ADGRD1: variants seen among roughly 807,000 people sequenced by gnomAD.
The protein encoded by ADGRD1 is adhesion G protein-coupled receptor D1, also known as G-protein coupled receptor 133.
A neutral mutation model predicts 113.4 loss-of-function variants in ADGRD1; 77 were observed. That is an observed-to-expected ratio of 0.68 (90% CI 0.57 to 0.82). The LOEUF is 0.82. ADGRD1 is among the 40% of genes least tolerant of loss of function. The probability of loss-of-function intolerance (pLI) is 0.00; values close to 1 mark genes in which losing one functional copy is unlikely to be tolerated. For missense variants in ADGRD1, 1,036 were observed against 1,139.1 expected, an observed-to-expected ratio of 0.91 and a Z score of 1.30; for synonymous variants, 474 against 475.0, an observed-to-expected ratio of 1.00 and a Z score of 0.03.
In ADGRD1 at chr12:131,022,002, C is replaced by T. The variant is rs1879375938; in HGVS notation, c.1473+7662C>T. 3.3e-5 allele frequency among the ~76,000 whole-genome samples: 5 copies of T among 152,150 alleles called. No individual in the cohort carries two copies. The highest frequency in any genetic ancestry group is 2.6e-4 in the Admixed American group (4 of 15,272). On this transcript the variant is annotated intron_variant, in intron 13 of 24. Coordinates refer to ENST00000261654, the MANE Select transcript of ADGRD1 (RefSeq NM_198827.5). This position sits in a 1 kb window ranked among gnomAD's most constrained non-coding sequence, Gnocchi z 4.6. ...TACAGGTATGAGCCACCGCGCTCGG[C>T]CCTGATCTCTTCTTATAAGGATACT...
intron 14 of ADGRD1, 103 bp downstream of exon 14, chr12:131,076,977 G>A: frequency 1.0e-6 from 1 of 956,030 alleles, no homozygotes. Flanking sequence ...TTCTGCAGCT[G>A]ACATGGTTGC....
chr12:131,034,398 C>A (rs1365958184), intron 13 of ADGRD1, among the ~76,000 whole-genome samples: 6 of 152,250 alleles, frequency 3.9e-5, no homozygotes, highest in Admixed American at 3.9e-4. Context: ...CACTGCCCAG[C>A]CCAGCCTCGC....
At chr12:131,049,917 G>A (rs1883209910) in intron 13 of ADGRD1, among the ~76,000 whole-genome samples, 4 of 152,194 alleles carry the variant, frequency 2.6e-5, no homozygotes, top group Admixed American at 2.6e-4. Context: ...AGCAGGAAAA[G>A]ATGGGAACCG....
At chr12:131,036,293 T>C (rs12815872) in intron 13 of ADGRD1, among the ~76,000 whole-genome samples, 73,234 of 147,496 alleles carry the variant, frequency 0.5, 19,837 homozygotes, top group Non-Finnish European at 0.62. Context: ...CTCACTGCAC[T>C]GGGCCTCACT....
intron 14 of ADGRD1, 52 bp downstream of exon 14, chr12:131,076,926 C>A (rs1371972008): frequency 7.0e-7 from 1 of 1,432,374 alleles, no homozygotes; most frequent in Non-Finnish European, 9.9e-7. Flanking sequence ...CAAGCCCAGG[C>A]CCGCCCCATG....
intron 8 of ADGRD1, chr12:130,994,404 C>T: frequency 3.6e-6 from 1 of 277,262 alleles, no homozygotes; most frequent in East Asian, 9.4e-5. Flanking sequence ...CTGCCTGTAG[C>T]TAAGGTATGC....
intron 4 of ADGRD1, among the ~76,000 whole-genome samples, chr12:130,976,625 T>C (rs1296779660): frequency 6.6e-6 from 1 of 152,166 alleles, no homozygotes; most frequent in African/African-American, 2.4e-5. Flanking sequence ...TGAGACTTTC[T>C]ACATTGTCTC....
Position 130,966,791 on chromosome 12 carries a change from G to GTTTT in ADGRD1, c.187+245_187+246insTTTT. The stretch of plus-strand genomic sequence containing the variant: ...AACTTCCCGTAATAGTTATTTCAAA[G>GTTTT]CTTTTTTTTTTGTAGAGATGGGGTC... On this transcript the variant is annotated intron_variant, in intron 3 of 24. Coordinates refer to ENST00000261654, the MANE Select transcript of ADGRD1 (RefSeq NM_198827.5). The surrounding 1 kb of genome is among the most constrained non-coding windows in gnomAD (Gnocchi z 4.6). 1 of 380,798 alleles carries GTTTT rather than the reference G, an allele frequency of 2.6e-6. No homozygotes were observed. The highest frequency in any genetic ancestry group is 4.8e-6 in the Non-Finnish European group (1 of 207,252). The allele number at this position is 380,798 out of a possible 1,614,324, so 23.6% of individuals were successfully genotyped here.
At chr12:131,090,963 C>T (rs951706822) in intron 15 of ADGRD1, among the ~76,000 whole-genome samples, 1 of 152,176 alleles carries the variant, frequency 6.6e-6, no homozygotes, top group Non-Finnish European at 1.5e-5. Context: ...AGAAACATGG[C>T]GTCATCTCTG....
chr12:130,998,926 GGATTTCTAA>G (rs1179642382), intron 8 of ADGRD1, among the ~76,000 whole-genome samples: 1 of 152,124 alleles, frequency 6.6e-6, no homozygotes, highest in Non-Finnish European at 1.5e-5. Flanking sequence ...GATGCACACT[GGATTTCTAA>G]AACTTTGTGC....
At chr12:131,069,905 G>GTATGAAA (rs902006711) in intron 13 of ADGRD1, 2 of 152,216 alleles carry the variant, frequency 1.3e-5, no homozygotes, top group Non-Finnish European at 2.9e-5. Flanking sequence ...ATTATTGCAT[G>GTATGAAA]TATGAAAGAA....
chr12:131,062,827 AT>A (rs1320581676), intron 13 of ADGRD1, among the ~76,000 whole-genome samples: 2 of 152,194 alleles, frequency 1.3e-5, no homozygotes, highest in African/African-American at 2.4e-5. Flanking sequence ...TTAAAAAAAA[AT>A]CTTCCAAACT....
intron 13 of ADGRD1, among the ~76,000 whole-genome samples, chr12:131,039,090 C>A (rs895217101): frequency 1.6e-4 from 25 of 152,236 alleles, no homozygotes; most frequent in Non-Finnish European, 3.1e-4. Flanking sequence ...GTCGAAGGCC[C>A]CGAGCTGTGT....
intron 16 of ADGRD1, 29 bp from the exon 17 acceptor site, chr12:131,105,725 C>CA (rs1431524710): frequency 6.4e-7 from 1 of 1,564,452 alleles, no homozygotes; most frequent in African/African-American, 1.3e-5. Flanking sequence ...GCGCAGGGCC[C>CA]AGGCCTCACA....
At chr12:131,120,706 C>T in intron 19 of ADGRD1, 141 bp from the exon 20 acceptor site, 1 of 784,478 alleles carries the variant, frequency 1.3e-6, no homozygotes, top group Non-Finnish European at 2.3e-6. Context: ...AATACATTTG[C>T]AGGGATTAGG....
At chr12:130,986,366 T>A (rs1228000094) in intron 5 of ADGRD1, among the ~76,000 whole-genome samples, 1 of 152,198 alleles carries the variant, frequency 6.6e-6, no homozygotes, top group Non-Finnish European at 1.5e-5. Context: ...AGCTTATAAA[T>A]GTATTGTTAT....
intron 11 of ADGRD1, among the ~76,000 whole-genome samples, chr12:131,005,153 G>T (rs1010922349): frequency 6.6e-6 from 1 of 152,172 alleles, no homozygotes; most frequent in South Asian, 2.1e-4. Flanking sequence ...AAGGTGCCCC[G>T]ACTGGTTCTC....
intron 15 of ADGRD1, among the ~76,000 whole-genome samples, chr12:131,101,038 G>A (rs1290771039): frequency 6.6e-6 from 1 of 152,172 alleles, no homozygotes; most frequent in African/African-American, 2.4e-5. Flanking sequence ...TTAGAGCTGC[G>A]AGATGAGGTA....
At chr12:131,118,827 G>C (rs1950524900) in intron 19 of ADGRD1, among the ~76,000 whole-genome samples, 1 of 152,234 alleles carries the variant, frequency 6.6e-6, no homozygotes, top group African/African-American at 2.4e-5. Flanking sequence ...CAAGCGCACT[G>C]TGCAGACCGT....
Sources: allele counts gnomAD v4.1 joint callset (sites outside exome capture counted in the v4.1 genomes callset), GRCh38; gene constraint gnomAD v4.1.1; non-coding constraint Gnocchi (gnomAD v3.1); transcripts MANE v1.5; gene names NCBI Gene and HGNC (gene_info 2026-07-23, HGNC 2026-07-21).